CAB39: variants seen among roughly 807,000 people sequenced by gnomAD.
The protein encoded by CAB39 is calcium-binding protein 39.
Under a neutral mutation model 40.0 loss-of-function variants are expected in CAB39, and 8 were observed. The ratio of observed to expected loss-of-function variants is 0.20; its 90% CI spans 0.12 to 0.36. The LOEUF is 0.36. Among genes scored for constraint, CAB39 ranks in the 10% least tolerant of loss-of-function variants. CAB39 has a pLI of 1.00. For synonymous variants in CAB39, 156 were observed against 141.6 expected (o/e 1.10, Z -0.72); for missense variants, 270 against 401.1 (o/e 0.67, Z 2.79).
chr2:230,782,482 T>C (rs1159294544), intron 2 of CAB39, among the ~76,000 whole-genome samples: 1 of 152,086 alleles, frequency 6.6e-6, no homozygotes, highest in African/African-American at 2.4e-5. Flanking sequence ...TTTTTCTTTT[T>C]TAAATAAAAG....
chr2:230,742,953 A>G (rs1559594814), intron 1 of CAB39, among the ~76,000 whole-genome samples: 1 of 152,238 alleles, frequency 6.6e-6, no homozygotes, highest in Non-Finnish European at 1.5e-5. Flanking sequence ...AGACTGCCTT[A>G]TCAGAGTCAC....
intron 3 of CAB39, among the ~76,000 whole-genome samples, chr2:230,792,741 C>T (rs1229463644): frequency 6.6e-6 from 1 of 152,222 alleles, no homozygotes; most frequent in Non-Finnish European, 1.5e-5. Context: ...AGCCCAGCTT[C>T]ATACAGAATT....
intron 2 of CAB39, among the ~76,000 whole-genome samples, chr2:230,784,510 C>T (rs1695753202): frequency 6.6e-6 from 1 of 152,234 alleles, no homozygotes; most frequent in Admixed American, 6.5e-5. Flanking sequence ...AGTACCCTGC[C>T]TTGCGGGATT....
At chr2:230,718,593 A>G (rs1694393034) in intron 1 of CAB39, among the ~76,000 whole-genome samples, 1 of 152,166 alleles carries the variant, frequency 6.6e-6, no homozygotes, top group Non-Finnish European at 1.5e-5. Context: ...TTGGATGGTA[A>G]TAGTAGACCA....
At chr2:230,811,871 C>T (rs1413260942) in intron 6 of CAB39, among the ~76,000 whole-genome samples, 2 of 152,224 alleles carry the variant, frequency 1.3e-5, no homozygotes, top group Admixed American at 1.3e-4. Context: ...ACAGTGAAAT[C>T]TGTTTAATCT....
At chr2:230,767,538 A>G (rs56169539) in intron 2 of CAB39, among the ~76,000 whole-genome samples, 6,219 of 152,260 alleles carry the variant, frequency 0.041, 434 homozygotes, top group African/African-American at 0.14. Context: ...GGCCTAAAGT[A>G]ATTTCTGCAG....
intron 1 of CAB39, chr2:230,725,545 G>T: frequency 1.2e-6 from 1 of 822,448 alleles, no homozygotes; most frequent in Non-Finnish European, 2.0e-6. Context: ...GGTAAGTAAT[G>T]GGGAAAACCA....
chr2:230,812,227 C>A (rs1696318055), intron 6 of CAB39, among the ~76,000 whole-genome samples: 1 of 152,142 alleles, frequency 6.6e-6, no homozygotes, highest in South Asian at 2.1e-4. Context: ...CTCTCCTTGG[C>A]GTTCTTAAAG....
chr2:230,714,246 A>T (rs1241745673), intron 1 of CAB39, among the ~76,000 whole-genome samples: 2 of 152,060 alleles, frequency 1.3e-5, no homozygotes, highest in Non-Finnish European at 2.9e-5. Context: ...TTTCTCAGTG[A>T]CTCATGAGCC....
At position 230,785,550 on chromosome 2, in the gene CAB39, A is replaced by G. The variant is rs542599420; in HGVS notation, c.115-5322A>G. On this transcript the variant is annotated intron_variant, in intron 2 of 8. Coordinates refer to ENST00000258418, the MANE Select transcript of CAB39 (RefSeq NM_016289.4). ...AGGCAGGGTGAGTTCCTAAGAACGCATGGGGGTGGGGAGATCCAAAAGCAG... is the reference window on the plus strand; with the variant it reads ...AGGCAGGGTGAGTTCCTAAGAACGCGTGGGGGTGGGGAGATCCAAAAGCAG... Among the ~76,000 whole-genome samples, 151 of 151,974 alleles carry G rather than the reference A, an allele frequency of 9.9e-4. 1 individual carries two copies. Among genetic ancestry groups the G allele is most frequent in the Non-Finnish European group, 1.6e-3 (108 of 67,950 alleles).
intron 1 of CAB39, chr2:230,725,253 C>G (rs1391341772): frequency 1.9e-6 from 3 of 1,587,436 alleles, no homozygotes; most frequent in African/African-American, 1.3e-5. Flanking sequence ...TTCTTTAGCA[C>G]CAGAAACTGG....
chr2:230,794,048 T>G (rs1040713758), intron 4 of CAB39, among the ~76,000 whole-genome samples: 1 of 152,178 alleles, frequency 6.6e-6, no homozygotes, highest in Non-Finnish European at 1.5e-5. Context: ...CCGGGTATGG[T>G]GTGCATCTGT....
Position 230,817,772 on chromosome 2 carries a change from C to A in CAB39, c.712C>A (p.Leu238Ile). The change falls in exon 8 of 9, where the codon CTA (leucine) becomes ATA (isoleucine). Residue 238 changes from leucine (L) to isoleucine (I), a missense_variant. By Grantham distance (5) the Leu-to-Ile change is conservative. Coordinates refer to ENST00000258418, the MANE Select transcript of CAB39 (RefSeq NM_016289.4). ...TTCTCAGCTTCTCGGTGAACTACTA[C>A]TAGATAGACACAACTTCACAATTAT... ...QSLKLLGELL[L>I]DRHNFTIMTK... 1 of 1,606,018 alleles carries A rather than the reference C, an allele frequency of 6.2e-7. No individual in the cohort carries two copies. Among genetic ancestry groups the A allele is most frequent in the Non-Finnish European group, 8.5e-7 (1 of 1,175,922 alleles).
intron 1 of CAB39, among the ~76,000 whole-genome samples, chr2:230,747,845 CTG>C (rs1303183969): frequency 6.6e-6 from 1 of 152,174 alleles, no homozygotes; most frequent in East Asian, 1.9e-4. Context: ...ACCTTGTTCT[CTG>C]AGAGAGGTGG....
rs114563608 is a variant in CAB39, at chr2:230,818,230, T to C, written c.838-286T>C. Reference sequence around the variant, plus strand: ...CCATCTGACCTCTTGTGCTGAGAAATAATTTCTGCCCATTTTATTCTAAAA... The same window carrying C: ...CCATCTGACCTCTTGTGCTGAGAAACAATTTCTGCCCATTTTATTCTAAAA... On this transcript the variant is annotated intron_variant, in intron 8 of 8. Transcript: ENST00000258418. 3,667 of 448,548 alleles carry C rather than the reference T, an allele frequency of 8.2e-3. 109 individuals are homozygous for C. Among genetic ancestry groups the C allele is most frequent in the African/African-American group, 0.067 (3,298 of 49,444 alleles). 27.8% of individuals were successfully genotyped at this position (448,548 alleles called of 1,614,324 possible).
chr2:230,799,371 C>G (rs574472348), intron 5 of CAB39, among the ~76,000 whole-genome samples: 1 of 152,316 alleles, frequency 6.6e-6, no homozygotes, highest in Admixed American at 6.5e-5. Context: ...GTGGATTCAC[C>G]TCTCCCATCT....
At chr2:230,786,468 T>G (rs1023115173) in intron 2 of CAB39, among the ~76,000 whole-genome samples, 1 of 152,222 alleles carries the variant, frequency 6.6e-6, no homozygotes, top group African/African-American at 2.4e-5. Context: ...TTCACAAATA[T>G]GTGTAACCAT....
intron 2 of CAB39, among the ~76,000 whole-genome samples, chr2:230,766,606 G>A (rs960599249): frequency 2.0e-5 from 3 of 152,334 alleles, no homozygotes; most frequent in South Asian, 2.1e-4. Flanking sequence ...CACGATCATC[G>A]CTTGCTGCAG....
chr2:230,793,106 C>A, intron 3 of CAB39, 107 bp from the exon 4 acceptor site: 1 of 622,438 alleles, frequency 1.6e-6, no homozygotes, highest in Non-Finnish European at 2.9e-6. Flanking sequence ...GTCAGATATT[C>A]AGTCATAACA....
Sources: allele counts gnomAD v4.1 joint callset (sites outside exome capture counted in the v4.1 genomes callset), GRCh38; gene constraint gnomAD v4.1.1; transcripts MANE v1.5; gene names NCBI Gene and HGNC (gene_info 2026-07-23, HGNC 2026-07-21).